BICDL1: variants seen among roughly 807,000 people sequenced by gnomAD.
BICDL1 encodes the protein BICD family-like cargo adapter 1.
In BICDL1, 20 loss-of-function variants were observed where a neutral mutation model predicts 76.8. The observed-to-expected ratio is 0.26, with a 90% CI of 0.18 to 0.38. The LOEUF (loss-of-function observed/expected upper bound fraction) is 0.38. BICDL1 is among the 10% of genes least tolerant of loss of function. The pLI is 1.00. For missense variants in BICDL1, 700 were observed against 798.6 expected (o/e 0.88, Z 1.49); for synonymous variants, 383 against 337.1 (o/e 1.14, Z -1.49).
intron 7 of BICDL1, among the ~76,000 whole-genome samples, chr12:120,078,007 G>A (rs1873696241): frequency 6.6e-6 from 1 of 152,118 alleles, no homozygotes; most frequent in African/African-American, 2.4e-5. Context: ...CTGAACATAG[G>A]ATACAAAGGG....
intron 2 of BICDL1, among the ~76,000 whole-genome samples, chr12:120,037,564 A>G (rs940793824): frequency 6.6e-6 from 1 of 152,188 alleles, no homozygotes; most frequent in African/African-American, 2.4e-5. Context: ...GTGCTCAGCA[A>G]TGAGAGAGAA....
chr12:120,006,742 G>A (rs1478479093), intron 2 of BICDL1, among the ~76,000 whole-genome samples: 1 of 152,182 alleles, frequency 6.6e-6, no homozygotes, highest in Non-Finnish European at 1.5e-5. Flanking sequence ...GAAAGGGTTA[G>A]GAGATGAGAT....
At chr12:120,013,396 G>T (rs552355568) in intron 2 of BICDL1, among the ~76,000 whole-genome samples, 1 of 150,874 alleles carries the variant, frequency 6.6e-6, no homozygotes, top group South Asian at 2.1e-4. Flanking sequence ...TCTCCTGCTA[G>T]GTTTTAGACA....
At chr12:120,039,926 T>G (rs1053837005) in intron 2 of BICDL1, among the ~76,000 whole-genome samples, 7 of 152,136 alleles carry the variant, frequency 4.6e-5, no homozygotes, top group African/African-American at 1.7e-4. Flanking sequence ...TACTACTGTT[T>G]CCATGGCAAC....
At chr12:120,041,217 T>G (rs1226619512) in intron 2 of BICDL1, among the ~76,000 whole-genome samples, 1 of 152,204 alleles carries the variant, frequency 6.6e-6, no homozygotes, top group Non-Finnish European at 1.5e-5. Flanking sequence ...TTGTGACTAT[T>G]GATAATAGTT....
intron 8 of BICDL1, among the ~76,000 whole-genome samples, chr12:120,088,987 CTG>C (rs1874698621): frequency 6.6e-6 from 1 of 152,184 alleles, no homozygotes. Context: ...TTACTGGTGA[CTG>C]TATTCCATCC....
At chr12:119,994,837 G>T (rs1387543420) in intron 1 of BICDL1, among the ~76,000 whole-genome samples, 1 of 152,152 alleles carries the variant, frequency 6.6e-6, no homozygotes, top group Non-Finnish European at 1.5e-5. Flanking sequence ...GAGCTGGAAA[G>T]ATAGTACAGA....
chr12:120,057,951 C>T (rs1953015745), intron 2 of BICDL1, among the ~76,000 whole-genome samples: 1 of 151,786 alleles, frequency 6.6e-6, no homozygotes, highest in African/African-American at 2.4e-5. Flanking sequence ...CTGCCTCAGC[C>T]TCCCGAATAG....
chr12:120,072,463 GC>G (rs748937217), intron 5 of BICDL1, 47 bp from the exon 6 acceptor site: 73 of 1,557,190 alleles, frequency 4.7e-5, no homozygotes, highest in Non-Finnish European at 5.8e-5. Flanking sequence ...TGGCCAGGTA[GC>G]AGTCTTCTCT....
chr12:120,018,324 G>A (rs1444799060), intron 2 of BICDL1, among the ~76,000 whole-genome samples: 2 of 152,220 alleles, frequency 1.3e-5, no homozygotes, highest in Non-Finnish European at 2.9e-5. Flanking sequence ...TCAGTAGCCA[G>A]TGTTACAACT....
At chr12:120,011,365 A>C (rs1031045214) in intron 2 of BICDL1, among the ~76,000 whole-genome samples, 22 of 152,242 alleles carry the variant, frequency 1.4e-4, no homozygotes, top group African/African-American at 5.3e-4. Context: ...AGTGTCAGCC[A>C]TAATGGAGTC....
At chr12:119,991,970 CCT>C (rs1951533908) in intron 1 of BICDL1, among the ~76,000 whole-genome samples, 1 of 152,126 alleles carries the variant, frequency 6.6e-6, no homozygotes, top group Non-Finnish European at 1.5e-5. Context: ...TTTTTTAAAA[CCT>C]TCATTCCTCT....
At chr12:120,007,730 T>G (rs1300207254) in intron 2 of BICDL1, among the ~76,000 whole-genome samples, 1 of 152,250 alleles carries the variant, frequency 6.6e-6, no homozygotes, top group Non-Finnish European at 1.5e-5. Context: ...GATTAGCAAC[T>G]CTGCGTCTGG....
chr12:120,094,301 G>T lies in BICDL1; in HGVS notation c.*1140G>T, dbSNP rs1341200279. 9 of 456,676 alleles carry T rather than the reference G, an allele frequency of 2.0e-5. No individual in the cohort carries two copies. The highest frequency in any genetic ancestry group is 4.7e-5 in the Admixed American group (2 of 42,560). The allele number at this position is 456,676 out of a possible 1,614,324, so 28.3% of individuals were successfully genotyped here. On this transcript the variant is annotated 3_prime_UTR_variant, in exon 10 of 10. Coordinates refer to ENST00000548673, the MANE Select transcript of BICDL1 (RefSeq NM_001367886.1). Reference sequence around the variant, plus strand: ...CACGTGGGGAAAGCACAGCAGGGATGCGCGGCAAGAATGTACCTGTAGATG... The same window carrying T: ...CACGTGGGGAAAGCACAGCAGGGATTCGCGGCAAGAATGTACCTGTAGATG...
chr12:120,042,514 C>T (rs1377873681), intron 2 of BICDL1, among the ~76,000 whole-genome samples: 3 of 151,968 alleles, frequency 2.0e-5, no homozygotes, highest in Non-Finnish European at 2.9e-5. Context: ...GATATAAGAA[C>T]CTAAGTCAGG....
intron 2 of BICDL1, among the ~76,000 whole-genome samples, chr12:120,004,341 T>A (rs902648891): frequency 6.6e-6 from 1 of 152,070 alleles, no homozygotes; most frequent in African/African-American, 2.4e-5. Context: ...TGACTTTGGG[T>A]ATTACTCCCT....
At chr12:119,991,429 AAG>A (rs913860986) in intron 1 of BICDL1, among the ~76,000 whole-genome samples, 1 of 152,186 alleles carries the variant, frequency 6.6e-6, no homozygotes, top group Non-Finnish European at 1.5e-5. Flanking sequence ...GGGAGAAAAA[AAG>A]GAAACCTGTG....
In BICDL1 at chr12:120,093,119, C is replaced by T. The variant is rs201184033; in HGVS notation, c.1824C>T (p.Ile608=). 4.4e-5 allele frequency: 71 copies of T among 1,613,298 alleles called. No individual in the cohort carries two copies. Among genetic ancestry groups the T allele is most frequent in the Non-Finnish European group, 5.5e-5 (65 of 1,179,584 alleles). ...CTGGGCGGGGGGATGAGCCCAGCAT[C>T]GCTGAAGGCAAACGACTCTTCTCAT... ...HSAGRGDEPS[I]AEGKRLFSFF... Residue 608 remains isoleucine, a synonymous_variant, in exon 10 of 10, where the codon ATC becomes ATT. Transcript: ENST00000548673.
intron 4 of BICDL1, among the ~76,000 whole-genome samples, chr12:120,066,802 G>T (rs1003311367): frequency 6.6e-6 from 1 of 152,140 alleles, no homozygotes; most frequent in African/African-American, 2.4e-5. Context: ...AAAATGGCCC[G>T]TACTGATACA....
Sources: allele counts gnomAD v4.1 joint callset (sites outside exome capture counted in the v4.1 genomes callset), GRCh38; gene constraint gnomAD v4.1.1; transcripts MANE v1.5; gene names NCBI Gene and HGNC (gene_info 2026-07-23, HGNC 2026-07-21).